CEP128: variants seen among roughly 807,000 people sequenced by gnomAD.
The protein encoded by CEP128 is centrosomal protein 128kDa.
In CEP128, 132 loss-of-function variants were observed where a neutral mutation model predicts 156.7. The ratio of observed to expected loss-of-function variants is 0.84; its 90% CI spans 0.73 to 0.97. The LOEUF is 0.97. Ranked by LOEUF, CEP128 falls within the 50% of genes least tolerant of loss-of-function variation. CEP128 has a pLI of 0.00. For synonymous variants in CEP128, 469 were observed against 448.9 expected (o/e 1.04, Z -0.57); for missense variants, 1,252 against 1,281.9 (o/e 0.98, Z 0.36).
intron 19 of CEP128, among the ~76,000 whole-genome samples, chr14:80,593,818 A>T (rs1892194090): frequency 6.6e-6 from 1 of 152,166 alleles, no homozygotes; most frequent in Non-Finnish European, 1.5e-5. Context: ...CAAGGAAATA[A>T]GAGAGGACAC....
chr14:80,509,904 T>C (rs1888165645), intron 23 of CEP128, among the ~76,000 whole-genome samples: 1 of 152,158 alleles, frequency 6.6e-6, no homozygotes, highest in African/African-American at 2.4e-5. Context: ...ATGTATGTTC[T>C]TGGAAACTGT....
intron 2 of CEP128, among the ~76,000 whole-genome samples, chr14:80,919,333 A>T (rs546528662): frequency 6.6e-6 from 1 of 152,224 alleles, no homozygotes; most frequent in Non-Finnish European, 1.5e-5. Flanking sequence ...TATTTAAGAT[A>T]CAAAATAGTA....
At chr14:80,646,802 A>G (rs926387029) in intron 19 of CEP128, among the ~76,000 whole-genome samples, 2 of 151,502 alleles carry the variant, frequency 1.3e-5, no homozygotes, top group African/African-American at 4.8e-5. Flanking sequence ...GGGATGCTTT[A>G]GATGCACCAT....
In CEP128 at chr14:80,928,074, T is replaced by C. The variant is rs140434291; in HGVS notation, c.-16+11311A>G. Among the ~76,000 whole-genome samples, 475 of 152,242 alleles carry C rather than the reference T, an allele frequency of 3.1e-3. 3 individuals are homozygous for C. Among genetic ancestry groups the C allele is most frequent in the African/African-American group, 0.011 (454 of 41,540 alleles). On this transcript the variant is annotated intron_variant, in intron 2 of 24. Transcript: ENST00000555265. ...GCCAAAACTAGGTGACAATCAACTA[T>C]AAACATTAAAGTTACATCCTCAAGG...
chr14:80,955,993 G>A lies in CEP128; in HGVS notation c.-172+2185C>T, dbSNP rs183018005. ...GTGTGAGTGAATGTCTGTGTGTGTA[G>A]ATGTGTGTGTGTGCTAAAAACTTAA... is the stretch of plus-strand genomic sequence containing the variant. On this transcript the variant is annotated intron_variant, in intron 2 of 7. Transcript: ENST00000555529. 1.2e-5 allele frequency: 12 copies of A among 1,004,422 alleles called. No homozygotes were observed. The Admixed American group carries it at 2.0e-4, about 16-fold the overall frequency. The allele number at this position is 1,004,422 out of a possible 1,614,324, so 62.2% of individuals were successfully genotyped here.
intron 13 of CEP128, among the ~76,000 whole-genome samples, chr14:80,811,166 A>G (rs1456381704): frequency 6.6e-6 from 1 of 151,888 alleles, no homozygotes; most frequent in Admixed American, 6.6e-5. Context: ...TATGTACCAC[A>G]TTTTCTTTAT....
intron 16 of CEP128, among the ~76,000 whole-genome samples, chr14:80,775,767 T>C (rs530558268): frequency 7.9e-5 from 12 of 152,382 alleles, no homozygotes; most frequent in Non-Finnish European, 1.5e-4. Context: ...TCCACTTATA[T>C]GAATGCGTGA....
In CEP128 at chr14:80,836,271, A is replaced by G; in HGVS notation, c.991T>C (p.Ser331Pro). The change falls in exon 12 of 25, where the codon TCT becomes CCT. Residue 331 changes from serine (S) to proline (P), a missense_variant. Ser to Pro is a moderately conservative substitution (Grantham distance 74). Transcript: ENST00000555265. ...GDRKGLQHQV[S>P]QISKQQSNYQ... ...TTTGACTGTTGCTTGGAAATCTGAG[A>G]TACTTGATGCTGTAAACCCTTTCGA... 6.2e-7 allele frequency: 1 copy of G among 1,613,974 alleles called. No homozygotes were observed.
At chr14:80,576,232 TA>T (rs557140926) in intron 20 of CEP128, among the ~76,000 whole-genome samples, 179 of 152,288 alleles carry the variant, frequency 1.2e-3, no homozygotes, top group Middle Eastern at 0.01. Context: ...AAAAATGGAT[TA>T]CCTTGTGTGT....
intron 9 of CEP128, among the ~76,000 whole-genome samples, chr14:80,841,814 T>A (rs1474109329): frequency 2.0e-5 from 3 of 151,862 alleles, no homozygotes; most frequent in African/African-American, 7.2e-5. Flanking sequence ...ATACCAAACT[T>A]ATAGGGTAGT....
At chr14:80,822,483 C>T (rs1484138857) in intron 13 of CEP128, 4 of 583,830 alleles carry the variant, frequency 6.9e-6, no homozygotes, top group Non-Finnish European at 9.9e-6. Context: ...AGCCCGTGCA[C>T]CACTGCATCC....
At chr14:80,525,754 T>C (rs1017452020) in intron 23 of CEP128, among the ~76,000 whole-genome samples, 5 of 152,160 alleles carry the variant, frequency 3.3e-5, no homozygotes, top group African/African-American at 9.7e-5. Context: ...CTGTCCTAAT[T>C]GTGTTAATTT....
At chr14:80,914,996 C>T (rs1183734475) in intron 3 of CEP128, among the ~76,000 whole-genome samples, 1 of 152,148 alleles carries the variant, frequency 6.6e-6, no homozygotes, top group Non-Finnish European at 1.5e-5. Context: ...AGAATTCATA[C>T]TACAAAATTC....
At chr14:80,834,663 C>G (rs1311462594) in intron 12 of CEP128, among the ~76,000 whole-genome samples, 1 of 152,062 alleles carries the variant, frequency 6.6e-6, no homozygotes, top group Admixed American at 6.6e-5. Context: ...CAAAGACTTA[C>G]AACAGAAATA....
At chr14:80,549,791 C>T (rs1009447795) in intron 21 of CEP128, among the ~76,000 whole-genome samples, 14 of 152,112 alleles carry the variant, frequency 9.2e-5, no homozygotes, top group African/African-American at 3.4e-4. Flanking sequence ...AACTTCGGTG[C>T]CTGTAGAGTG....
Position 80,505,038 on chromosome 14 carries a change from C to A in CEP128, c.3073-18G>T, listed in dbSNP as rs530212340. On this transcript the variant is annotated intron_variant, in intron 23 of 24. Transcript: ENST00000555265. ...CTGTCACCCTAAGGAAAAAAAGGCA[C>A]AGCATTTCAATGATTACACAAGGTA... 5 of 1,386,494 alleles carry A rather than the reference C, an allele frequency of 3.6e-6. No individual in the cohort carries two copies. In the African/African-American group the frequency reaches 5.7e-5, roughly 16 times the overall value. 85.9% of individuals were successfully genotyped at this position (1,386,494 alleles called of 1,614,324 possible). A position where few individuals can be genotyped will look rare whatever the true frequency, so the allele number is the denominator to read the frequency against.
At chr14:80,561,211 T>C (rs1178757894) in intron 20 of CEP128, among the ~76,000 whole-genome samples, 1 of 152,242 alleles carries the variant, frequency 6.6e-6, no homozygotes, top group East Asian at 1.9e-4. Flanking sequence ...GAATACATTA[T>C]GCAAAATTAG....
In CEP128 at chr14:80,757,263, AG is replaced by A. The variant is rs145471136; in HGVS notation, c.2554-313del. On this transcript the variant is annotated intron_variant, in intron 17 of 24. Coordinates refer to ENST00000555265, the MANE Select transcript of CEP128 (RefSeq NM_152446.5). ...CCATATGGCAAACAGCTTCAATTAA[AG>A]TCAGTTTATTTCATTTCTGTTTGTT... 8.1e-3 allele frequency among the ~76,000 whole-genome samples: 1,236 copies of A among 152,324 alleles called. 17 individuals carry two copies. Among genetic ancestry groups the A allele is most frequent in the African/African-American group, 0.028 (1,148 of 41,574 alleles).
At chr14:80,556,820 T>C (rs907255558) in intron 21 of CEP128, among the ~76,000 whole-genome samples, 2 of 152,168 alleles carry the variant, frequency 1.3e-5, no homozygotes, top group Admixed American at 1.3e-4. Flanking sequence ...AGCACTGACT[T>C]GGGAGAGAAT....
Sources: allele counts gnomAD v4.1 joint callset (sites outside exome capture counted in the v4.1 genomes callset), GRCh38; gene constraint gnomAD v4.1.1; transcripts MANE v1.5; gene names NCBI Gene and HGNC (gene_info 2026-07-23, HGNC 2026-07-21).